The following KHDRBS2 variants were observed in gnomAD, a reference collection of about 807,000 sequenced individuals.
KHDRBS2 encodes the protein KH RNA binding domain containing, signal transduction associated 2.
In KHDRBS2, 26 loss-of-function variants were observed where a neutral mutation model predicts 44.3. The observed-to-expected ratio is 0.59, with a 90% CI of 0.43 to 0.81. The LOEUF is 0.81. Ranked by LOEUF, KHDRBS2 falls within the 40% of genes least tolerant of loss-of-function variation. The pLI, the probability that KHDRBS2 is intolerant of heterozygous loss-of-function variation, is 0.00. For synonymous variants in KHDRBS2, 194 were observed against 151.1 expected, an observed-to-expected ratio of 1.28 and a Z score of -2.08; for missense variants, 476 against 433.1, an observed-to-expected ratio of 1.10 and a Z score of -0.88.
intron 1 of KHDRBS2, among the ~76,000 whole-genome samples, chr6:62,189,265 G>A (rs935842476): frequency 5.3e-5 from 8 of 152,102 alleles, no homozygotes; most frequent in African/African-American, 1.9e-4. Flanking sequence ...ACAGCAGTGT[G>A]AGAGAGCCAC....
intron 2 of KHDRBS2, among the ~76,000 whole-genome samples, chr6:62,092,827 C>A (rs1799733226): frequency 6.6e-6 from 1 of 151,958 alleles, no homozygotes; most frequent in South Asian, 2.1e-4. Flanking sequence ...AATATGTAAG[C>A]CATATGAATC....
chr6:61,898,605 A>G lies in KHDRBS2; in HGVS notation c.611+2639T>C, dbSNP rs184482406. ...AAGACAATCACTTTGAGATGTCAAA[A>G]TGTGAAAAACATGAATCCTTAAATT... On this transcript the variant is annotated intron_variant, in intron 5 of 8. Transcript: ENST00000281156. Among the ~76,000 whole-genome samples the G allele has an allele frequency of 2.8e-3, 433 of 152,100 alleles. 3 individuals are homozygous for G. Among genetic ancestry groups the G allele is most frequent in the African/African-American group, 9.8e-3 (407 of 41,550 alleles).
chr6:62,134,907 T>A (rs1051032929), intron 2 of KHDRBS2, among the ~76,000 whole-genome samples: 1 of 152,146 alleles, frequency 6.6e-6, no homozygotes, highest in Admixed American at 6.5e-5. Context: ...AGTAACTAAC[T>A]TGCTTTTGAA....
chr6:61,855,744 AG>A, intron 6 of KHDRBS2, among the ~76,000 whole-genome samples: 1 of 152,128 alleles, frequency 6.6e-6, no homozygotes, highest in Non-Finnish European at 1.5e-5. Context: ...GGGGAACAGC[AG>A]TCTATAGATA....
intron 2 of KHDRBS2, among the ~76,000 whole-genome samples, chr6:62,152,885 C>A (rs1924664): frequency 1.3e-5 from 2 of 151,944 alleles, no homozygotes; most frequent in Non-Finnish European, 2.9e-5. Flanking sequence ...CAAATTAATA[C>A]CTTGAGCCTG....
chr6:61,645,390 A>C, the KHDRBS2 span, among the ~76,000 whole-genome samples: 1 of 152,076 alleles, frequency 6.6e-6, no homozygotes, highest in Non-Finnish European at 1.5e-5. Context: ...AGTGATTTAA[A>C]AAAAATCTGT....
chr6:61,639,863 T>G, the KHDRBS2 span, among the ~76,000 whole-genome samples: 1 of 152,112 alleles, frequency 6.6e-6, no homozygotes, highest in African/African-American at 2.4e-5. Flanking sequence ...ATAAAGTGTT[T>G]TTCTGATAAA....
At chr6:61,940,364 A>G (rs1811900089) in intron 4 of KHDRBS2, among the ~76,000 whole-genome samples, 1 of 152,104 alleles carries the variant, frequency 6.6e-6, no homozygotes, top group South Asian at 2.1e-4. Context: ...TATTCCCACC[A>G]TGGACTCCTG....
intron 6 of KHDRBS2, among the ~76,000 whole-genome samples, chr6:61,739,541 G>A (rs1260651446): frequency 6.6e-6 from 1 of 151,726 alleles, no homozygotes; most frequent in Admixed American, 6.6e-5. Context: ...GTTTTGATAT[G>A]CTGGAAGAAT....
intron 6 of KHDRBS2, among the ~76,000 whole-genome samples, chr6:61,876,607 T>G (rs548795186): frequency 6.6e-6 from 1 of 152,176 alleles, no homozygotes; most frequent in South Asian, 2.1e-4. Flanking sequence ...AATGAGATTG[T>G]TTTCTCCTTT....
chr6:62,151,200 T>G (rs544017923), intron 2 of KHDRBS2, among the ~76,000 whole-genome samples: 6 of 152,312 alleles, frequency 3.9e-5, no homozygotes, highest in Non-Finnish European at 7.3e-5. Flanking sequence ...TTCAGTTTCC[T>G]CATCTCTAAA....
intron 1 of KHDRBS2, among the ~76,000 whole-genome samples, chr6:62,237,715 G>C: frequency 6.6e-6 from 1 of 152,092 alleles, no homozygotes; most frequent in African/African-American, 2.4e-5. Flanking sequence ...TGGAAATCAA[G>C]CTTGTTCCAT....
intron 6 of KHDRBS2, among the ~76,000 whole-genome samples, chr6:61,846,100 G>C (rs1794368701): frequency 2.0e-5 from 3 of 152,154 alleles, no homozygotes; most frequent in African/African-American, 7.2e-5. Flanking sequence ...CTGAGTAAAA[G>C]CTCCCTGAGG....
At chr6:62,065,796 A>T in intron 2 of KHDRBS2, among the ~76,000 whole-genome samples, 1 of 151,680 alleles carries the variant, frequency 6.6e-6, no homozygotes, top group East Asian at 1.9e-4. Context: ...AAAAAAAAGA[A>T]TGATCCATGT....
At chr6:61,867,193 C>T (rs543178517) in intron 6 of KHDRBS2, among the ~76,000 whole-genome samples, 115 of 152,278 alleles carry the variant, frequency 7.6e-4, no homozygotes, top group African/African-American at 2.7e-3. Context: ...CTTCCACGTG[C>T]CAGGGGAGGC....
intron 6 of KHDRBS2, among the ~76,000 whole-genome samples, chr6:61,874,557 G>T (rs556584517): frequency 6.6e-6 from 1 of 151,924 alleles, no homozygotes; most frequent in African/African-American, 2.4e-5. Flanking sequence ...GCTTCTTTTC[G>T]TATATCCACA....
intron 6 of KHDRBS2, among the ~76,000 whole-genome samples, chr6:61,789,232 A>G (rs1784266160): frequency 6.6e-6 from 1 of 151,572 alleles, no homozygotes; most frequent in African/African-American, 2.4e-5. Flanking sequence ...GCAGAGCAGC[A>G]TTTAATAGAC....
intron 4 of KHDRBS2, among the ~76,000 whole-genome samples, chr6:61,914,750 C>T (rs1441525300): frequency 2.0e-5 from 3 of 152,064 alleles, no homozygotes; most frequent in Admixed American, 6.6e-5. Context: ...CTGTAGATAG[C>T]CTGTCTTCTG....
At chr6:62,088,276 C>T (rs774668334) in intron 2 of KHDRBS2, among the ~76,000 whole-genome samples, 1 of 152,162 alleles carries the variant, frequency 6.6e-6, no homozygotes, top group Non-Finnish European at 1.5e-5. Context: ...GGAGAAGAGG[C>T]ATTCTGGCTT....
Sources: gnomAD v4.1 joint callset for allele counts (sites outside exome capture counted in the v4.1 genomes callset) on GRCh38, gnomAD v4.1.1 for gene constraint, MANE v1.5 for transcripts, NCBI Gene and HGNC (gene_info 2026-07-23, HGNC 2026-07-21) for gene names.